PKD1L3: variants seen among roughly 807,000 people sequenced by gnomAD.
PKD1L3 encodes polycystin 1 like 3, transient receptor potential channel interacting.
PKD1L3 carries 239 observed loss-of-function variants against 184.1 expected under a neutral mutation model. The observed-to-expected ratio is 1.30, with a 90% CI of 1.17 to 1.45. PKD1L3 has a LOEUF of 1.45. Ranked by LOEUF, PKD1L3 falls within the 40% of genes most tolerant of loss-of-function variation. The pLI, the probability that PKD1L3 is intolerant of heterozygous loss-of-function variation, is 0.00. For missense variants in PKD1L3, 2,660 were observed against 2,067.2 expected, an observed-to-expected ratio of 1.29 and a Z score of -5.56; for synonymous variants, 996 against 778.8, an observed-to-expected ratio of 1.28 and a Z score of -4.64.
In PKD1L3 at chr16:71,969,911, C is replaced by A. The variant is rs2039646193; in HGVS notation, c.2148G>T (p.Val716=). 5 of 1,551,798 alleles carry A rather than the reference C, an allele frequency of 3.2e-6. No individual in the cohort carries two copies. The highest frequency in any genetic ancestry group is 4.4e-6 in the Non-Finnish European group (5 of 1,146,848). ...CTGCTTGATCCTTTTTCCGAGCCCA[C>A]ACAACTGTGATCACATAAAATCCTA... ...SLLGFYVITV[V]WARKKDQADM... The change falls in exon 13 of 30, where the codon GTG becomes GTT. Residue 716 remains valine (V), a synonymous_variant. Coordinates refer to ENST00000620267, the MANE Select transcript of PKD1L3 (RefSeq NM_181536.2).
intron 22 of PKD1L3, among the ~76,000 whole-genome samples, chr16:71,945,025 CCT>C (rs1033338283): frequency 2.7e-5 from 4 of 149,560 alleles, no homozygotes; most frequent in African/African-American, 9.8e-5. Context: ...AAATACAAGC[CCT>C]GTTTTTGATA....
chr16:71,950,382 CA>C, intron 19 of PKD1L3, 72 bp from the exon 20 acceptor site: 1 of 1,314,098 alleles, frequency 7.6e-7, no homozygotes, highest in Non-Finnish European at 1.0e-6. Flanking sequence ...TAGAGATTAA[CA>C]ATTCATTGAT....
chr16:71,974,376 C>T (rs535827730), intron 11 of PKD1L3, among the ~76,000 whole-genome samples: 1 of 152,140 alleles, frequency 6.6e-6, no homozygotes, highest in Non-Finnish European at 1.5e-5. Context: ...TTGCCAAGAT[C>T]ACCAAGAAAA....
rs146199246 is a variant in PKD1L3 at position 71,937,771 on chromosome 16, C to T, written c.4325-352G>A. Among the ~76,000 whole-genome samples the T allele has an allele frequency of 6.6e-5, 10 of 152,240 alleles. No homozygotes were observed. The East Asian group carries it at 1.7e-3, about 26-fold the overall frequency. ...AGCACTGATACCCCACGAGTACTAA[C>T]GGTATCCCATGGATACTCAGTCATT... On this transcript the variant is annotated intron_variant, in intron 24 of 29. Coordinates refer to ENST00000620267, the MANE Select transcript of PKD1L3 (RefSeq NM_181536.2).
intron 22 of PKD1L3, among the ~76,000 whole-genome samples, chr16:71,946,037 C>A (rs975311402): frequency 1.3e-5 from 2 of 152,188 alleles, no homozygotes; most frequent in Admixed American, 6.5e-5. Context: ...TGGCTCACTG[C>A]AACCTCCGCC....
rs1293605555 is a variant in PKD1L3 at position 71,952,894 on chromosome 16, C to T, written c.3009G>A (p.Glu1003=). ...VEPLSATMVV[E]ELKETVRFLL... is the part of the protein sequence containing the mutation. ...AAATAAAATTTGATACCAATCTTAC[C>T]TCAACTACCATTGTGGCAGAGAGAG... The change falls in exon 18 of 30, where the codon GAG becomes GAA. Residue 1003 remains glutamate (E), a splice_region_variant and synonymous_variant. Transcript: ENST00000620267. The T allele has an allele frequency of 7.2e-6, 11 of 1,538,330 alleles. No homozygotes were observed. In the Admixed American group the frequency reaches 8.5e-5, roughly 12 times the overall value.
At chr16:71,974,393 T>C (rs1313463505) in intron 11 of PKD1L3, among the ~76,000 whole-genome samples, 1 of 151,896 alleles carries the variant, frequency 6.6e-6, no homozygotes, top group Admixed American at 6.6e-5. Flanking sequence ...AAAAACTGAG[T>C]CCATGGCCAG....
intron 16 of PKD1L3, among the ~76,000 whole-genome samples, chr16:71,960,534 T>C (rs1266821563): frequency 4.8e-5 from 7 of 144,724 alleles, no homozygotes; most frequent in Admixed American, 4.8e-4. Flanking sequence ...AAGGGAGACC[T>C]ATATAATAAA....
chr16:71,998,254 T>G lies in PKD1L3; in HGVS notation c.418+18A>C. 6.4e-7 allele frequency: 1 copy of G among 1,551,576 alleles called. No individual in the cohort carries two copies. The highest frequency in any genetic ancestry group is 2.0e-5 in the Admixed American group (1 of 50,826). On this transcript the variant is annotated intron_variant, in intron 2 of 29. Coordinates refer to ENST00000620267, the MANE Select transcript of PKD1L3 (RefSeq NM_181536.2). ...TCTAAAATTTGGGTCTTTGGCAGCA[T>G]GTAGCTTTATCACTTACCAGTCTGG...
At chr16:71,951,193 C>T (rs1437578388) in intron 19 of PKD1L3, among the ~76,000 whole-genome samples, 1 of 152,146 alleles carries the variant, frequency 6.6e-6, no homozygotes, top group East Asian at 1.9e-4. Context: ...GCGCCCGCCA[C>T]TACACCTGGC....
chr16:71,967,221 A>C lies in PKD1L3; in HGVS notation c.2381T>G (p.Val794Gly). 1 of 1,551,712 alleles carries C rather than the reference A, an allele frequency of 6.4e-7. No homozygotes were observed. The highest frequency in any genetic ancestry group is 8.7e-7 in the Non-Finnish European group (1 of 1,146,958). Residue 794 changes from valine (V) to glycine (G), a missense_variant, in exon 15 of 30, where the codon GTC becomes GGC. By Grantham distance (109) the Val-to-Gly change is moderately radical (BLOSUM62 -3). Transcript: ENST00000620267. Reference sequence around the variant, plus strand: ...AGAGGTCCAAGTGGTGAGAAGGAAGACATCCAGGCCCCCTCGTTCAAAGAC... The same window carrying C: ...AGAGGTCCAAGTGGTGAGAAGGAAGCCATCCAGGCCCCCTCGTTCAAAGAC... Reference protein sequence around the residue: ...KTVFERGGLDVFLLTTWTSLG... With the variant: ...KTVFERGGLDGFLLTTWTSLG...
chr16:71,954,449 TTC>T (rs2038970439), intron 16 of PKD1L3, 148 bp from the exon 17 acceptor site: 1 of 545,948 alleles, frequency 1.8e-6, no homozygotes. Context: ...GATATTTTAA[TTC>T]TTTTTTTATT....
At chr16:71,972,449 G>A (rs889569603) in intron 12 of PKD1L3, among the ~76,000 whole-genome samples, 5 of 151,914 alleles carry the variant, frequency 3.3e-5, no homozygotes, top group Non-Finnish European at 7.4e-5. Context: ...CTCCCAAAGT[G>A]CAGGAGGGAG....
At chr16:71,985,711 C>T (rs561016686) in intron 5 of PKD1L3, among the ~76,000 whole-genome samples, 55 of 152,138 alleles carry the variant, frequency 3.6e-4, no homozygotes, top group Non-Finnish European at 7.1e-4. Flanking sequence ...GAATTACAGG[C>T]GTGAGCCACT....
At chr16:71,985,422 T>C (rs1260672457) in intron 5 of PKD1L3, among the ~76,000 whole-genome samples, 1 of 152,144 alleles carries the variant, frequency 6.6e-6, no homozygotes, top group Non-Finnish European at 1.5e-5. Flanking sequence ...TCAAAGGGAC[T>C]TTGCCTTTTT....
chr16:71,955,266 A>ATGTG (rs936304004), intron 16 of PKD1L3, among the ~76,000 whole-genome samples: 1 of 151,212 alleles, frequency 6.6e-6, no homozygotes, highest in Admixed American at 6.6e-5. Flanking sequence ...AAGGGATGGT[A>ATGTG]TGTGTGTGTG....
At chr16:71,933,565 A>G (rs865929137) in intron 27 of PKD1L3, 44 bp from the exon 28 acceptor site, 1 of 1,372,978 alleles carries the variant, frequency 7.3e-7, no homozygotes, top group African/African-American at 1.4e-5. Flanking sequence ...CCGAGCGCAC[A>G]TCTTTCTATC....
intron 3 of PKD1L3, among the ~76,000 whole-genome samples, chr16:71,990,854 T>A (rs1430728128): frequency 6.6e-6 from 1 of 150,768 alleles, no homozygotes; most frequent in Non-Finnish European, 1.5e-5. Context: ...GCCCTGAAAA[T>A]TATCAACAAC....
At chr16:71,992,584 C>T (rs1016210982) in intron 3 of PKD1L3, among the ~76,000 whole-genome samples, 1 of 152,200 alleles carries the variant, frequency 6.6e-6, no homozygotes, top group African/African-American at 2.4e-5. Flanking sequence ...CATTTTCCTA[C>T]AACTCACAAG....
Sources: allele counts gnomAD v4.1 joint callset (sites outside exome capture counted in the v4.1 genomes callset), GRCh38; gene constraint gnomAD v4.1.1; transcripts MANE v1.5; gene names NCBI Gene and HGNC (gene_info 2026-07-23, HGNC 2026-07-21).